SNRPN: variants seen among roughly 807,000 people sequenced by gnomAD.
SNRPN encodes small nuclear ribonucleoprotein polypeptide N.
A neutral mutation model predicts 25.2 loss-of-function variants in SNRPN; 7 were observed. The ratio of observed to expected loss-of-function variants is 0.28; its 90% CI spans 0.16 to 0.52. The LOEUF (loss-of-function observed/expected upper bound fraction) is 0.52, where lower values mean the gene tolerates loss of function less well. Ranked by LOEUF, SNRPN falls within the 20% of genes least tolerant of loss-of-function variation. The pLI is 0.96. For missense variants in SNRPN, 196 were observed against 322.5 expected, an observed-to-expected ratio of 0.61 and a Z score of 3.00; for synonymous variants, 124 against 110.6, an observed-to-expected ratio of 1.12 and a Z score of -0.76.
intron 3 of SNRPN, among the ~76,000 whole-genome samples, chr15:24,927,332 G>A (rs1299850217): frequency 1.3e-5 from 2 of 151,730 alleles, no homozygotes; most frequent in Admixed American, 6.6e-5. Context: ...ATGTTGCCTA[G>A]GCTGGTCTCA....
upstream of SNRPN, among the ~76,000 whole-genome samples, chr15:24,855,974 T>C (rs924780761): frequency 1.3e-5 from 2 of 152,160 alleles, no homozygotes; most frequent in Non-Finnish European, 2.9e-5. Context: ...TCTTGAAATA[T>C]TTATAGAAAA....
At chr15:24,930,673 G>A (rs2060777007) in intron 3 of SNRPN, among the ~76,000 whole-genome samples, 1 of 151,840 alleles carries the variant, frequency 6.6e-6, no homozygotes, top group Non-Finnish European at 1.5e-5. Flanking sequence ...AGGCCGGGCC[G>A]GGTGGATCCC....
rs1405127593 is a variant in SNRPN at position 24,974,367 on chromosome 15, C to T, written c.-87C>T. ...CTTGCATTGTTTCTAGGAGAACCTG[C>T]GTCATACCTTTATCTATAGCCTTCC... is the stretch of plus-strand genomic sequence containing the variant. On this transcript the variant is annotated 5_prime_UTR_variant, in exon 4 of 10. Transcript: ENST00000390687. The T allele has an allele frequency of 2.6e-5, 33 of 1,254,192 alleles. No homozygotes were observed. In the Middle Eastern group the frequency reaches 5.5e-4, roughly 21 times the overall value. The allele number at this position is 1,254,192 out of a possible 1,614,324, so 77.7% of individuals were successfully genotyped here.
At chr15:24,935,221 G>A (rs111272537) in intron 3 of SNRPN, among the ~76,000 whole-genome samples, 1,756 of 151,646 alleles carry the variant, frequency 0.012, 33 homozygotes, top group African/African-American at 0.041. Flanking sequence ...GCAGTGAGCC[G>A]AGATCATGCC....
At chr15:24,949,839 T>C (rs1302707240) in intron 3 of SNRPN, among the ~76,000 whole-genome samples, 2 of 152,044 alleles carry the variant, frequency 1.3e-5, no homozygotes, top group Non-Finnish European at 2.9e-5. Flanking sequence ...CTTTCTTTTT[T>C]TTTTTGGAGA....
At chr15:24,915,968 C>CTTTTT (rs35835568) in intron 2 of SNRPN, among the ~76,000 whole-genome samples, 16 of 97,384 alleles carry the variant, frequency 1.6e-4, no homozygotes, top group Non-Finnish European at 2.1e-4. Context: ...GCCAGGTTGA[C>CTTTTT]TTTTTTTTTT....
intron 5 of SNRPN, 65 bp from the exon 6 acceptor site, chr15:24,976,240 T>G: frequency 1.6e-6 from 2 of 1,226,566 alleles, no homozygotes; most frequent in Non-Finnish European, 1.2e-6. Context: ...TGAGGTTGTA[T>G]AAATATTTTG....
chr15:24,887,774 G>A lies in SNRPN; in HGVS notation c.-505+1185G>A, dbSNP rs146116199. Among the ~76,000 whole-genome samples the A allele has an allele frequency of 5.7e-3, 869 of 152,238 alleles. 5 individuals are homozygous for A. The highest frequency in any genetic ancestry group is 0.037 in the Middle Eastern group (11 of 294). On this transcript the variant is annotated intron_variant, in intron 2 of 11. Transcript: ENST00000400097. ...AATGATACCCCAGCCCATGAGGTCT[G>A]CATGCCAGGAAGCCAAATGAGTGAG...
At chr15:24,933,170 G>A (rs2060994595) in intron 3 of SNRPN, among the ~76,000 whole-genome samples, 1 of 152,096 alleles carries the variant, frequency 6.6e-6, no homozygotes, top group South Asian at 2.1e-4. Context: ...GAAGTGTGAG[G>A]ATCACTTGAG....
At chr15:24,842,438 C>T (rs1240041039) in intron 2 of SNRPN, among the ~76,000 whole-genome samples, 1 of 152,160 alleles carries the variant, frequency 6.6e-6, no homozygotes, top group Non-Finnish European at 1.5e-5. Context: ...GAAGCCTAGG[C>T]TCCATTCTGA....
At chr15:24,949,494 TA>T (rs2062101355) in intron 3 of SNRPN, among the ~76,000 whole-genome samples, 1 of 149,956 alleles carries the variant, frequency 6.7e-6, no homozygotes, top group Non-Finnish European at 1.5e-5. Flanking sequence ...TACAAAAAAA[TA>T]AAAAAATTAC....
intron 1 of SNRPN, among the ~76,000 whole-genome samples, chr15:24,961,323 A>G (rs189054604): frequency 6.6e-6 from 1 of 152,352 alleles, no homozygotes; most frequent in East Asian, 1.9e-4. Context: ...TCTAGGGTTC[A>G]GAGAATTATT....
chr15:24,950,621 T>C (rs2062191083), upstream of SNRPN, among the ~76,000 whole-genome samples: 1 of 141,656 alleles, frequency 7.1e-6, no homozygotes, highest in Admixed American at 7.0e-5. Flanking sequence ...CATCACAGCT[T>C]ACTGCAGTCT....
At position 24,974,969 on chromosome 15, in the gene SNRPN, A is replaced by G. The variant is rs1018689188; in HGVS notation, c.4-389A>G. 16 of 703,008 alleles carry G rather than the reference A, an allele frequency of 2.3e-5. No individual in the cohort carries two copies. The African/African-American group carries it at 2.8e-4, about 12-fold the overall frequency. The allele number at this position is 703,008 out of a possible 1,614,324, so 43.5% of individuals were successfully genotyped here. On this transcript the variant is annotated intron_variant, in intron 4 of 9. Transcript: ENST00000390687. ...TGATGGACTCTCAGGTCAGATTACA[A>G]TAGAAATAAAGAGGGCTTTGAAAAT...
rs1008067007 is a variant in SNRPN at position 24,867,420 on chromosome 15, G to C, written c.-579+10704G>C. On this transcript the variant is annotated intron_variant, in intron 1 of 11. Transcript: ENST00000400097. ...GACGGAGTCTCACTCTGTCGCCCAG[G>C]CTGGAGTGCAGTGGTGTGATCTCGG... Among the ~76,000 whole-genome samples, 6 of 151,644 alleles carry C rather than the reference G, an allele frequency of 4.0e-5. 1 individual carries two copies. The highest frequency in any genetic ancestry group is 3.9e-4 in the Admixed American group (6 of 15,216).
At chr15:24,844,322 T>A (rs1487864602) in intron 2 of SNRPN, among the ~76,000 whole-genome samples, 1 of 152,198 alleles carries the variant, frequency 6.6e-6, no homozygotes, top group Non-Finnish European at 1.5e-5. Context: ...TATCTACTAT[T>A]TGACTGTCAC....
intron 3 of SNRPN, among the ~76,000 whole-genome samples, chr15:24,928,272 A>C (rs1162453435): frequency 6.6e-6 from 1 of 152,026 alleles, no homozygotes; most frequent in Non-Finnish European, 1.5e-5. Context: ...AGAGAGCTGC[A>C]CTCTTGTGTT....
upstream of SNRPN, among the ~76,000 whole-genome samples, chr15:24,853,723 A>T (rs2053109345): frequency 6.6e-6 from 1 of 152,174 alleles, no homozygotes; most frequent in Admixed American, 6.5e-5. Flanking sequence ...CTACACAGGG[A>T]AATTGCCATT....
chr15:24,830,886 A>G (rs1025860134), intron 2 of SNRPN, among the ~76,000 whole-genome samples: 2 of 152,006 alleles, frequency 1.3e-5, no homozygotes, highest in South Asian at 2.1e-4. Context: ...CTTGAGTTCA[A>G]TGTGTATTCT....
Sources: gnomAD v4.1 joint callset for allele counts (sites outside exome capture counted in the v4.1 genomes callset) on GRCh38, gnomAD v4.1.1 for gene constraint, MANE v1.5 for transcripts, NCBI Gene and HGNC (gene_info 2026-07-23, HGNC 2026-07-21) for gene names.